The following ITFG1 variants were observed in gnomAD, a reference collection of about 807,000 sequenced individuals.
ITFG1 encodes integrin alpha FG-GAP repeat containing 1.
Under a neutral mutation model 81.8 loss-of-function variants are expected in ITFG1, and 34 were observed. That is an observed-to-expected ratio of 0.42 (90% CI 0.32 to 0.55). ITFG1 has a LOEUF of 0.55. Among genes scored for constraint, ITFG1 ranks in the 20% least tolerant of loss-of-function variants. ITFG1 has a pLI of 0.17. For missense variants in ITFG1, 672 were observed against 755.4 expected, an observed-to-expected ratio of 0.89 and a Z score of 1.29; for synonymous variants, 285 against 270.6, an observed-to-expected ratio of 1.05 and a Z score of -0.52.
At chr16:47,286,189 G>T (rs1437625630) in intron 10 of ITFG1, among the ~76,000 whole-genome samples, 1 of 152,122 alleles carries the variant, frequency 6.6e-6, no homozygotes, top group East Asian at 1.9e-4. Context: ...TCTTAACAAA[G>T]GCCTCAATCT....
rs542293165 is a variant in ITFG1 at position 47,443,305 on chromosome 16, G to T, written c.560+8091C>A. Among the ~76,000 whole-genome samples, 465 of 152,290 alleles carry T rather than the reference G, an allele frequency of 3.1e-3. 2 individuals carry two copies. Among genetic ancestry groups the T allele is most frequent in the African/African-American group, 0.01 (436 of 41,568 alleles). On this transcript the variant is annotated intron_variant, in intron 5 of 17. Coordinates refer to ENST00000320640, the MANE Select transcript of ITFG1 (RefSeq NM_030790.5). ...ACACTTTTACACTGTTGGTGGGAGT[G>T]TAAACTAGTTCAACCATTGTGGAAG...
chr16:47,208,877 T>C (rs1965531986), intron 14 of ITFG1, among the ~76,000 whole-genome samples: 1 of 152,174 alleles, frequency 6.6e-6, no homozygotes, highest in Non-Finnish European at 1.5e-5. Flanking sequence ...CTTCCTTCCA[T>C]GAGTACAATG....
intron 12 of ITFG1, among the ~76,000 whole-genome samples, chr16:47,252,584 G>T (rs1377601094): frequency 6.6e-6 from 1 of 152,182 alleles, no homozygotes; most frequent in African/African-American, 2.4e-5. Context: ...TTGATTCAGG[G>T]GAGAGGGGAC....
intron 14 of ITFG1, among the ~76,000 whole-genome samples, chr16:47,195,104 C>T (rs947985409): frequency 1.3e-5 from 2 of 152,070 alleles, no homozygotes; most frequent in Non-Finnish European, 2.9e-5. Flanking sequence ...CTTGCTCCTA[C>T]TTATTTTATA....
At chr16:47,271,830 G>A (rs1450590494) in intron 10 of ITFG1, among the ~76,000 whole-genome samples, 1 of 152,218 alleles carries the variant, frequency 6.6e-6, no homozygotes, top group Non-Finnish European at 1.5e-5. Flanking sequence ...CTGCACTCCA[G>A]CCTGGGCGAC....
chr16:47,379,962 G>A (rs1968375037), intron 6 of ITFG1, among the ~76,000 whole-genome samples: 1 of 150,820 alleles, frequency 6.6e-6, no homozygotes, highest in South Asian at 2.1e-4. Context: ...GCTCAATTGA[G>A]GCAGTACAAG....
intron 14 of ITFG1, among the ~76,000 whole-genome samples, chr16:47,167,803 A>G (rs1391395488): frequency 3.3e-5 from 5 of 152,072 alleles, no homozygotes; most frequent in Admixed American, 3.3e-4. Flanking sequence ...ATACACTTTG[A>G]TTTGTTTATC....
rs545331024 is a variant in ITFG1 at position 47,292,965 on chromosome 16, T to C, written c.1070+18275A>G. Reference sequence around the variant, plus strand: ...ATAATGGCCTCCAATTCCATCCTTGTTGGTGAAAAAGACATGACTTCATTC... The same window carrying C: ...ATAATGGCCTCCAATTCCATCCTTGCTGGTGAAAAAGACATGACTTCATTC... On this transcript the variant is annotated intron_variant, in intron 10 of 17. Transcript: ENST00000320640. Among the ~76,000 whole-genome samples, 338 of 147,566 alleles carry C rather than the reference T, an allele frequency of 2.3e-3. 2 individuals are homozygous for C. The highest frequency in any genetic ancestry group is 4.0e-3 in the Non-Finnish European group (270 of 66,670).
chr16:47,354,087 T>C (rs1418752228), intron 8 of ITFG1, among the ~76,000 whole-genome samples: 1 of 152,156 alleles, frequency 6.6e-6, no homozygotes, highest in Non-Finnish European at 1.5e-5. Flanking sequence ...AGACTTTGAA[T>C]AGCCAAAGTA....
chr16:47,424,662 T>G (rs1968996167), intron 6 of ITFG1, among the ~76,000 whole-genome samples: 1 of 152,180 alleles, frequency 6.6e-6, no homozygotes. Context: ...CCTTTCTGTT[T>G]GTTAGTTTTC....
intron 6 of ITFG1, among the ~76,000 whole-genome samples, chr16:47,424,556 C>T (rs1567495518): frequency 6.6e-6 from 1 of 152,194 alleles, no homozygotes; most frequent in East Asian, 1.9e-4. Context: ...GGTTTCTCCC[C>T]ATCTTTGTGG....
chr16:47,274,663 A>G (rs577084414), intron 10 of ITFG1, among the ~76,000 whole-genome samples: 70 of 152,312 alleles, frequency 4.6e-4, no homozygotes, highest in Non-Finnish European at 7.1e-4. Context: ...TAAAACTGCC[A>G]AACAATAGAA....
intron 14 of ITFG1, among the ~76,000 whole-genome samples, chr16:47,216,806 C>T (rs1017528469): frequency 2.0e-4 from 30 of 151,824 alleles, no homozygotes; most frequent in African/African-American, 4.3e-4. Flanking sequence ...GAATTACAGG[C>T]GACCGCCACC....
intron 14 of ITFG1, among the ~76,000 whole-genome samples, chr16:47,181,089 G>A (rs995898163): frequency 1.3e-5 from 2 of 151,370 alleles, no homozygotes; most frequent in Non-Finnish European, 2.9e-5. Flanking sequence ...CATCTAGGAA[G>A]TGAGGAGCGT....
intron 13 of ITFG1, among the ~76,000 whole-genome samples, chr16:47,232,614 A>T (rs1439695897): frequency 6.6e-6 from 1 of 151,790 alleles, no homozygotes; most frequent in Admixed American, 6.6e-5. Context: ...TATGGGCACA[A>T]GAATTTTATG....
intron 2 of ITFG1, among the ~76,000 whole-genome samples, chr16:47,455,488 C>T (rs990540717): frequency 3.3e-5 from 5 of 151,508 alleles, no homozygotes; most frequent in Admixed American, 6.6e-5. Flanking sequence ...CCTGGCTGGG[C>T]GCGGTGGTTC....
intron 10 of ITFG1, among the ~76,000 whole-genome samples, chr16:47,279,174 CT>C (rs1375444698): frequency 1.3e-5 from 2 of 152,106 alleles, no homozygotes; most frequent in African/African-American, 4.8e-5. Context: ...CTTTCGTTGA[CT>C]GTGTTTCTGG....
chr16:47,367,467 G>A (rs187189098), intron 7 of ITFG1, among the ~76,000 whole-genome samples: 185 of 152,324 alleles, frequency 1.2e-3, no homozygotes, highest in African/African-American at 4.4e-3. Flanking sequence ...TTTTGGGGTT[G>A]CCATCCACCA....
intron 8 of ITFG1, among the ~76,000 whole-genome samples, chr16:47,326,580 G>A (rs1275811083): frequency 2.0e-5 from 3 of 152,094 alleles, no homozygotes; most frequent in Non-Finnish European, 2.9e-5. Flanking sequence ...AAACCCCATC[G>A]TCTCAGCACA....
Sources: allele counts gnomAD v4.1 joint callset (sites outside exome capture counted in the v4.1 genomes callset), GRCh38; gene constraint gnomAD v4.1.1; transcripts MANE v1.5; gene names NCBI Gene and HGNC (gene_info 2026-07-23, HGNC 2026-07-21).